The following FAM151B variants were observed in gnomAD, a reference collection of about 807,000 sequenced individuals.
FAM151B encodes family with sequence similarity 151 member B.
FAM151B carries 24 observed loss-of-function variants against 31.2 expected under a neutral mutation model. The observed-to-expected ratio is 0.77, with a 90% CI of 0.56 to 1.08. The LOEUF is 1.08. FAM151B is among the 50% of genes least tolerant of loss of function. FAM151B has a pLI of 0.00. For synonymous variants in FAM151B, 105 were observed against 111.4 expected (o/e 0.94, Z 0.36); for missense variants, 293 against 328.6 (o/e 0.89, Z 0.84).
chr5:80,494,460 C>CTTTCT (rs1561359151), intron 1 of FAM151B, among the ~76,000 whole-genome samples: 59 of 70,964 alleles, frequency 8.3e-4, no homozygotes, highest in African/African-American at 2.8e-3. Context: ...TCTTTCTTTT[C>CTTTCT]TTTCTTTCTT....
rs1744286359 is a variant in FAM151B at position 80,513,656 on chromosome 5, A to G, written c.204A>G (p.Glu68=). The G allele has an allele frequency of 6.2e-7, 1 of 1,614,204 alleles. No individual in the cohort carries two copies. Residue 68 remains glutamate (E), a synonymous_variant, in exon 3 of 6, where the codon GAA becomes GAG. Transcript: ENST00000282226. The part of the protein sequence containing the change: ...ADVLLPSDGS[E]HSQPIMAHPP... ...TCCTTCTTCCAAGTGATGGATCAGA[A>G]CACAGCCAGCCAATTATGGCCCATC...
intron 2 of FAM151B, among the ~76,000 whole-genome samples, chr5:80,512,559 G>T (rs960997536): frequency 7.2e-5 from 11 of 152,038 alleles, no homozygotes; most frequent in Admixed American, 1.3e-4. Context: ...AAGATTACTT[G>T]AGCCCAAGAG....
rs1199269616 is a variant in FAM151B at position 80,501,790 on chromosome 5, A to G, written c.26-2A>G. The G allele has an allele frequency of 1.9e-6, 3 of 1,591,988 alleles. No individual in the cohort carries two copies. The highest frequency in any genetic ancestry group is 2.6e-6 in the Non-Finnish European group (3 of 1,167,464). The stretch of plus-strand genomic sequence containing the variant: ...CTTTTCATGTAAACACTGTTATTTT[A>G]GGATCTTGGAGTGAAAATATACTGG... On this transcript the variant is annotated splice_acceptor_variant, in intron 1 of 5. Transcript: ENST00000282226. LOFTEE classifies it high-confidence loss of function.
intron 2 of FAM151B, among the ~76,000 whole-genome samples, chr5:80,512,673 T>G (rs1165668471): frequency 1.3e-5 from 2 of 151,414 alleles, no homozygotes; most frequent in Non-Finnish European, 2.9e-5. Context: ...TCCTAGCTAC[T>G]CAGGAAGCTG....
chr5:80,515,231 A>G (rs996163871), intron 3 of FAM151B, among the ~76,000 whole-genome samples: 4 of 151,278 alleles, frequency 2.6e-5, no homozygotes, highest in Non-Finnish European at 4.4e-5. Context: ...CAAGAGCAAA[A>G]CTCTGTCTCA....
In FAM151B at chr5:80,513,703, A is replaced by G; in HGVS notation, c.251A>G (p.Asn84Ser). Residue 84 changes from asparagine to serine, a missense_variant, in exon 3 of 6, where the codon AAT becomes AGT. By Grantham distance (46) the Asn-to-Ser change is conservative. Transcript: ENST00000282226. Reference protein sequence around the residue: ...MAHPPETNSDNTLQEWLTEVM... With the variant: ...MAHPPETNSDSTLQEWLTEVM... The stretch of plus-strand genomic sequence containing the variant: ...CATCCCCCTGAAACAAACAGTGATA[A>G]TACTCTACAGGAGTGGCTGACTGAA... 1 of 1,614,172 alleles carries G rather than the reference A, an allele frequency of 6.2e-7. No individual in the cohort carries two copies. The highest frequency in any genetic ancestry group is 8.5e-7 in the Non-Finnish European group (1 of 1,180,028).
chr5:80,534,657 A>G (rs1248660033), intron 5 of FAM151B, among the ~76,000 whole-genome samples: 1 of 152,128 alleles, frequency 6.6e-6, no homozygotes, highest in Non-Finnish European at 1.5e-5. Context: ...TATTATGCTG[A>G]GTGGGATAAA....
At position 80,500,114 on chromosome 5, in the gene FAM151B, C is replaced by T. The variant is rs1018888867; in HGVS notation, c.26-1678C>T. 1.7e-5 allele frequency: 5 copies of T among 301,492 alleles called. No homozygotes were observed. In the East Asian group the frequency reaches 2.3e-4, roughly 14 times the overall value. The allele number at this position is 301,492 out of a possible 1,614,324, so 18.7% of individuals were successfully genotyped here. A position where few individuals can be genotyped will look rare whatever the true frequency, so the allele number is the denominator to read the frequency against. On this transcript the variant is annotated intron_variant, in intron 1 of 5. Transcript: ENST00000282226. The stretch of plus-strand genomic sequence containing the variant: ...CCATTTTCCACATCATGGATGAGCC[C>T]GGAGGACATTATGCTAAGTGAAATA...
In FAM151B at chr5:80,538,553, CTT is replaced by C. The variant is rs879781547; in HGVS notation, c.672-3119_672-3118del. 7.7e-3 allele frequency among the ~76,000 whole-genome samples: 1,020 copies of C among 132,542 alleles called. 23 individuals carry two copies. The highest frequency in any genetic ancestry group is 0.012 in the Non-Finnish European group (765 of 63,226). 87.0% of individuals were successfully genotyped at this position (132,542 alleles called of 152,430 possible). On this transcript the variant is annotated intron_variant, in intron 5 of 5. Transcript: ENST00000282226. ...CCTTCCTTCCTTCCTTCCTTCCTTCCTTCCTTCCTTCCTTCCTTCCCTCCCTT... is the reference window on the plus strand; with the variant it reads ...CCTTCCTTCCTTCCTTCCTTCCTTCCCCTTCCTTCCTTCCTTCCCTCCCTT...
At chr5:80,512,706 C>T (rs1220126216) in intron 2 of FAM151B, among the ~76,000 whole-genome samples, 1 of 148,946 alleles carries the variant, frequency 6.7e-6, no homozygotes, top group Non-Finnish European at 1.5e-5. Context: ...TGCTTGAGCT[C>T]AGGAGGTCAA....
chr5:80,492,031 A>C (rs1383833297), intron 1 of FAM151B, among the ~76,000 whole-genome samples: 1 of 152,212 alleles, frequency 6.6e-6, no homozygotes, highest in Non-Finnish European at 1.5e-5. Context: ...ACAGGGAAGG[A>C]GGTTGGGATA....
chr5:80,491,939 A>G (rs1275013512), intron 1 of FAM151B, among the ~76,000 whole-genome samples: 2 of 152,172 alleles, frequency 1.3e-5, no homozygotes, highest in Non-Finnish European at 2.9e-5. Context: ...ACCAGAAATT[A>G]AATTTTGGGC....
chr5:80,523,497 A>C (rs1009369617), intron 5 of FAM151B, among the ~76,000 whole-genome samples: 1 of 152,182 alleles, frequency 6.6e-6, no homozygotes, highest in Non-Finnish European at 1.5e-5. Flanking sequence ...ATAGACGTTC[A>C]CATAAGCACA....
intron 1 of FAM151B, among the ~76,000 whole-genome samples, chr5:80,494,454 T>C (rs1339429838): frequency 8.8e-5 from 4 of 45,670 alleles, no homozygotes; most frequent in East Asian, 7.4e-4. Flanking sequence ...TTTCTTTCTT[T>C]CTTTTCTTTC....
intron 5 of FAM151B, among the ~76,000 whole-genome samples, chr5:80,537,375 A>G (rs183981097): frequency 1.3e-5 from 2 of 152,322 alleles, no homozygotes; most frequent in African/African-American, 4.8e-5. Flanking sequence ...CTTTGTTGGC[A>G]CTGAACTGTG....
Position 80,513,662 on chromosome 5 carries a change from C to T in FAM151B, c.210C>T (p.Ser70=), listed in dbSNP as rs200002361. ...TTCCAAGTGATGGATCAGAACACAG[C>T]CAGCCAATTATGGCCCATCCCCCTG... The part of the protein sequence containing the change: ...VLLPSDGSEH[S]QPIMAHPPET... Residue 70 remains serine, a synonymous_variant, in exon 3 of 6, where the codon AGC becomes AGT. Transcript: ENST00000282226. The T allele has an allele frequency of 6.8e-6, 11 of 1,614,120 alleles. No individual in the cohort carries two copies. The East Asian group carries it at 2.0e-4, about 29-fold the overall frequency.
chr5:80,497,396 C>T (rs1743585499), intron 1 of FAM151B, among the ~76,000 whole-genome samples: 1 of 138,784 alleles, frequency 7.2e-6, no homozygotes. Flanking sequence ...GCCTGAGTGA[C>T]AGAGCAAGAC....
intron 2 of FAM151B, among the ~76,000 whole-genome samples, chr5:80,503,676 A>T (rs890731682): frequency 3.9e-5 from 6 of 152,196 alleles, no homozygotes; most frequent in African/African-American, 1.4e-4. Flanking sequence ...AATACAACTT[A>T]AAAAATTTTA....
At chr5:80,533,044 T>A (rs1251079030) in intron 5 of FAM151B, among the ~76,000 whole-genome samples, 2 of 151,878 alleles carry the variant, frequency 1.3e-5, no homozygotes, top group African/African-American at 4.8e-5. Context: ...ACATCGAAAA[T>A]TTTTAAAACT....
Sources: gnomAD v4.1 joint callset for allele counts (sites outside exome capture counted in the v4.1 genomes callset) on GRCh38, gnomAD v4.1.1 for gene constraint, MANE v1.5 for transcripts, NCBI Gene and HGNC (gene_info 2026-07-23, HGNC 2026-07-21) for gene names.